The following SPATA9 variants were observed in gnomAD, a reference collection of about 807,000 sequenced individuals.
SPATA9 encodes spermatogenesis-associated protein 9.
Under a neutral mutation model 25.5 loss-of-function variants are expected in SPATA9, and 27 were observed. The ratio of observed to expected loss-of-function variants is 1.06; its 90% CI spans 0.78 to 1.46. SPATA9 has a LOEUF of 1.46. Ranked by LOEUF, SPATA9 falls within the 40% of genes most tolerant of loss-of-function variation. SPATA9 has a pLI of 0.00. For synonymous variants in SPATA9, 102 were observed against 105.7 expected (o/e 0.97, Z 0.21); for missense variants, 282 against 297.5 (o/e 0.95, Z 0.38).
chr5:95,653,076 C>T (rs1750456233), exon 9 of SPATA9: 3 of 1,549,228 alleles, frequency 1.9e-6, no homozygotes. Context: ...TTCACCAAGA[C>T]TTTTCTTTCC....
At chr5:95,701,096 G>A (rs1383296973), upstream of SPATA9, among the ~76,000 whole-genome samples, 4 of 152,168 alleles carry the variant, frequency 2.6e-5, no homozygotes, top group African/African-American at 9.7e-5. Context: ...TACTTTATCT[G>A]TAAAATGTGA....
intron 4 of SPATA9, chr5:95,659,293 C>T (rs1751030574): frequency 5.8e-6 from 1 of 172,376 alleles, no homozygotes; most frequent in South Asian, 1.4e-4. Flanking sequence ...TTTTCTTCCC[C>T]CTAGACTTTG....
upstream of SPATA9, among the ~76,000 whole-genome samples, chr5:95,686,102 T>C (rs1273506845): frequency 2.0e-5 from 3 of 152,178 alleles, no homozygotes; most frequent in South Asian, 4.1e-4. Context: ...CCTCCCAAAG[T>C]GCTGGTATTA....
At chr5:95,685,896 G>T (rs1227142193), upstream of SPATA9, among the ~76,000 whole-genome samples, 1 of 152,144 alleles carries the variant, frequency 6.6e-6, no homozygotes, top group Non-Finnish European at 1.5e-5. Context: ...AAATGCAGTG[G>T]CGCGATCTCG....
chr5:95,694,562 A>G (rs1753967613), intron 1 of SPATA9, among the ~76,000 whole-genome samples: 1 of 152,222 alleles, frequency 6.6e-6, no homozygotes, highest in Non-Finnish European at 1.5e-5. Context: ...CAAGTTGATG[A>G]TGATACCTCT....
chr5:95,659,738 T>TCCTGCCTCCTGCCTCCTTCTTG (rs1387107331), intron 4 of SPATA9: 1 of 152,278 alleles, frequency 6.6e-6, no homozygotes, highest in African/African-American at 2.4e-5. Context: ...CCTCTTGCCC[T>TCCTGCCTCCTGCCTCCTTCTTG]CCTGCCTCCT....
Position 95,682,589 on chromosome 5 carries a change from T to C in SPATA9, c.89A>G (p.Asp30Gly). ...TTCATCTTTAAACTCATCTACAAGGTCCATGATTGCTTTCTGGATCCCCTC... is the reference window on the plus strand; with the variant it reads ...TTCATCTTTAAACTCATCTACAAGGCCCATGATTGCTTTCTGGATCCCCTC... ...RIEGIQKAIM[D>G]LVDEFKDEFP... Residue 30 changes from aspartate to glycine, a missense_variant, in exon 2 of 5, where the codon GAC becomes GGC. Asp to Gly is a moderately conservative substitution (Grantham distance 94). Transcript: ENST00000274432. The C allele has an allele frequency of 6.2e-6, 10 of 1,613,776 alleles. No homozygotes were observed. The highest frequency in any genetic ancestry group is 8.5e-6 in the Non-Finnish European group (10 of 1,179,856).
downstream of SPATA9, chr5:95,652,259 A>C (rs764493606): frequency 4.5e-6 from 7 of 1,548,880 alleles, no homozygotes; most frequent in Non-Finnish European, 6.1e-6. Context: ...CCTCTCTTCC[A>C]CCTGACCTCT....
chr5:95,673,252 C>T (rs1397474989), intron 3 of SPATA9, among the ~76,000 whole-genome samples: 1 of 152,128 alleles, frequency 6.6e-6, no homozygotes, highest in Admixed American at 6.5e-5. Context: ...CAACATTTGG[C>T]CCACATCACA....
At chr5:95,675,770 T>C in intron 2 of SPATA9, 131 bp from the exon 3 acceptor site, 1 of 671,620 alleles carries the variant, frequency 1.5e-6, no homozygotes, top group Non-Finnish European at 2.5e-6. Context: ...ACATCCAATA[T>C]TTCTGTCCCC....
At chr5:95,678,457 C>A (rs756183520) in intron 2 of SPATA9, among the ~76,000 whole-genome samples, 1 of 152,144 alleles carries the variant, frequency 6.6e-6, no homozygotes, top group Admixed American at 6.5e-5. Context: ...CCAGGAAGAA[C>A]GATTTAGTAA....
intron 3 of SPATA9, among the ~76,000 whole-genome samples, chr5:95,665,074 T>A (rs1405448758): frequency 1.3e-5 from 2 of 152,242 alleles, no homozygotes; most frequent in Non-Finnish European, 2.9e-5. Context: ...TATGTATTTT[T>A]AATTGACACA....
chr5:95,716,669 C>G, the SPATA9 span, among the ~76,000 whole-genome samples: 4 of 152,060 alleles, frequency 2.6e-5, no homozygotes, highest in African/African-American at 9.7e-5. Context: ...GCATGATTGG[C>G]GTTGAAATGT....
chr5:95,729,688 C>T, the SPATA9 span, among the ~76,000 whole-genome samples: 1 of 152,128 alleles, frequency 6.6e-6, no homozygotes, highest in African/African-American at 2.4e-5. Flanking sequence ...TTCCCCTCTC[C>T]CCAGCCCCTG....
At chr5:95,664,104 CAT>C in intron 3 of SPATA9, 56 bp from the exon 4 acceptor site, 1 of 1,017,164 alleles carries the variant, frequency 9.8e-7, no homozygotes, top group Non-Finnish European at 1.4e-6. Flanking sequence ...GTTTCAATGT[CAT>C]ATTGTACAAT....
At chr5:95,723,605 T>C in the SPATA9 span, among the ~76,000 whole-genome samples, 4 of 152,364 alleles carry the variant, frequency 2.6e-5, no homozygotes, top group Non-Finnish European at 5.9e-5. Context: ...TGTGTAAATT[T>C]GCACACTTTA....
Position 95,658,607 on chromosome 5 carries a change from T to A in SPATA9, c.*16A>T. On this transcript the variant is annotated 3_prime_UTR_variant, in exon 5 of 5. Coordinates refer to ENST00000274432, the MANE Select transcript of SPATA9 (RefSeq NM_031952.4). ...TAAATAGATAACTCTTAAGTTCTGT[T>A]CAGTGATACCTGTATTCAGATTTGC... 6.2e-7 allele frequency: 1 copy of A among 1,603,172 alleles called. No homozygotes were observed.
intron 2 of SPATA9, among the ~76,000 whole-genome samples, chr5:95,681,387 T>C (rs1027748700): frequency 1.3e-5 from 2 of 152,160 alleles, no homozygotes; most frequent in African/African-American, 4.8e-5. Context: ...TACCCACTGA[T>C]CCCACCCTTT....
At chr5:95,720,543 T>A in the SPATA9 span, among the ~76,000 whole-genome samples, 1 of 152,212 alleles carries the variant, frequency 6.6e-6, no homozygotes, top group African/African-American at 2.4e-5. Context: ...GGTGGTGGCC[T>A]AGTAACAGAC....
Sources: allele counts gnomAD v4.1 joint callset (sites outside exome capture counted in the v4.1 genomes callset), GRCh38; gene constraint gnomAD v4.1.1; transcripts MANE v1.5; gene names NCBI Gene and HGNC (gene_info 2026-07-23, HGNC 2026-07-21).